Variants in TRIM37 observed in about 807,000 individuals in gnomAD.
TRIM37 encodes the protein tripartite motif containing 37, also known as E3 ubiquitin-protein ligase TRIM37.
Under a neutral mutation model 129.8 loss-of-function variants are expected in TRIM37, and 80 were observed. The ratio of observed to expected loss-of-function variants is 0.62; its 90% CI spans 0.51 to 0.74. The LOEUF (loss-of-function observed/expected upper bound fraction) is 0.74. Ranked by LOEUF, TRIM37 falls within the 30% of genes least tolerant of loss-of-function variation. TRIM37 has a pLI of 0.00. For synonymous variants in TRIM37, 389 were observed against 387.1 expected, an observed-to-expected ratio of 1.00 and a Z score of -0.06; for missense variants, 1,054 against 1,176.5, an observed-to-expected ratio of 0.90 and a Z score of 1.52.
At chr17:58,971,537 A>C in the TRIM37 span, among the ~76,000 whole-genome samples, 1 of 152,170 alleles carries the variant, frequency 6.6e-6, no homozygotes, top group Non-Finnish European at 1.5e-5. Flanking sequence ...AAGACCCCTA[A>C]AAATACTGTA....
At chr17:59,091,500 T>C (rs868136925) in intron 2 of TRIM37, among the ~76,000 whole-genome samples, 160 bp from the exon 3 acceptor site, 2 of 104,170 alleles carry the variant, frequency 1.9e-5, no homozygotes, top group South Asian at 2.9e-4. Flanking sequence ...TATATTATTA[T>C]ATAACATATC....
At chr17:59,056,443 T>C (rs1051242447) in intron 13 of TRIM37, among the ~76,000 whole-genome samples, 13 of 151,958 alleles carry the variant, frequency 8.6e-5, no homozygotes, top group African/African-American at 3.1e-4. Context: ...AAGAAAGTGA[T>C]AAGGGGCCGG....
chr17:59,009,343 G>T (rs1377281183), intron 22 of TRIM37, among the ~76,000 whole-genome samples: 1 of 151,950 alleles, frequency 6.6e-6, no homozygotes, highest in African/African-American at 2.4e-5. Context: ...GGCCAGGCTG[G>T]TCTCAAACTC....
intron 22 of TRIM37, among the ~76,000 whole-genome samples, chr17:59,003,661 A>C (rs1215880332): frequency 6.6e-5 from 10 of 151,814 alleles, no homozygotes; most frequent in African/African-American, 2.4e-4. Context: ...AAAAAAAAAA[A>C]ACCTAATGAA....
chr17:59,075,912 CAATTCT>C (rs2042777548), intron 7 of TRIM37, among the ~76,000 whole-genome samples, 198 bp from the exon 8 acceptor site: 1 of 152,048 alleles, frequency 6.6e-6, no homozygotes, highest in African/African-American at 2.4e-5. Context: ...ACTTCAGAAC[CAATTCT>C]AATTAGTTTT....
intron 3 of TRIM37, among the ~76,000 whole-genome samples, chr17:59,089,795 T>C (rs751636885): frequency 6.6e-6 from 1 of 152,134 alleles, no homozygotes; most frequent in Non-Finnish European, 1.5e-5. Context: ...ATGCTGGTCT[T>C]ATAAGATAAT....
At chr17:59,025,445 G>A (rs1568008612) in intron 19 of TRIM37, among the ~76,000 whole-genome samples, 1 of 151,074 alleles carries the variant, frequency 6.6e-6, no homozygotes, top group Non-Finnish European at 1.5e-5. Flanking sequence ...TAATATTCAT[G>A]GATGAATATT....
the TRIM37 span, chr17:58,971,994 G>A: frequency 1.2e-6 from 1 of 803,070 alleles, no homozygotes; most frequent in Non-Finnish European, 1.9e-6. Flanking sequence ...TTGAGACAAT[G>A]AATTATTATA....
At chr17:59,012,888 A>T (rs2035475911) in intron 21 of TRIM37, among the ~76,000 whole-genome samples, 1 of 151,766 alleles carries the variant, frequency 6.6e-6, no homozygotes, top group Non-Finnish European at 1.5e-5. Flanking sequence ...AAAAAAAAAA[A>T]ATTTTTTTTT....
chr17:59,045,219 C>T (rs1326884863), intron 16 of TRIM37, among the ~76,000 whole-genome samples: 1 of 151,954 alleles, frequency 6.6e-6, no homozygotes, highest in Admixed American at 6.6e-5. Context: ...GTCCCAGCTA[C>T]TTGGGAGACT....
intron 18 of TRIM37, among the ~76,000 whole-genome samples, chr17:59,029,841 A>T (rs546445573): frequency 6.6e-6 from 1 of 152,326 alleles, no homozygotes; most frequent in African/African-American, 2.4e-5. Flanking sequence ...CCTTTTCAAT[A>T]AAAAGAAAGT....
Position 59,046,033 on chromosome 17 carries a change from C to T in TRIM37, c.1667+1650G>A, listed in dbSNP as rs146945734. Among the ~76,000 whole-genome samples the T allele has an allele frequency of 3.1e-3, 476 of 151,964 alleles. 4 individuals are homozygous for T. The highest frequency in any genetic ancestry group is 5.4e-3 in the Non-Finnish European group (367 of 67,932). ...TCCATCTCAAAAAAAAAAAATTATC[C>T]ACATTAATGAAATTCATTAGTTCAT... On this transcript the variant is annotated intron_variant, in intron 16 of 23. Transcript: ENST00000262294.
At chr17:59,027,523 G>C (rs1224505862) in intron 19 of TRIM37, among the ~76,000 whole-genome samples, 3 of 152,136 alleles carry the variant, frequency 2.0e-5, no homozygotes, top group Non-Finnish European at 4.4e-5. Flanking sequence ...AAGGCTGCTA[G>C]ACTGTGAACA....
chr17:59,022,016 A>G (rs2036661073), intron 19 of TRIM37, among the ~76,000 whole-genome samples: 1 of 152,192 alleles, frequency 6.6e-6, no homozygotes, highest in African/African-American at 2.4e-5. Flanking sequence ...TAGTTTTATG[A>G]ATGCTTTTTA....
chr17:58,993,444 G>T (rs933336782), downstream of TRIM37, among the ~76,000 whole-genome samples: 5 of 152,176 alleles, frequency 3.3e-5, no homozygotes, highest in Non-Finnish European at 2.9e-5. Context: ...CCACACAGTG[G>T]ACTACTACTG....
At chr17:59,043,965 C>G (rs2039512781) in intron 16 of TRIM37, among the ~76,000 whole-genome samples, 1 of 152,156 alleles carries the variant, frequency 6.6e-6, no homozygotes, top group Non-Finnish European at 1.5e-5. Context: ...TATCTGTGGG[C>G]TCTGCATCTG....
chr17:59,009,303 T>C (rs1423149572), intron 22 of TRIM37, among the ~76,000 whole-genome samples: 2 of 151,828 alleles, frequency 1.3e-5, no homozygotes, highest in African/African-American at 4.8e-5. Flanking sequence ...GATTTTTCTA[T>C]TTTTAGTAGA....
chr17:59,051,891 C>T (rs926015641), intron 13 of TRIM37, among the ~76,000 whole-genome samples: 3 of 152,064 alleles, frequency 2.0e-5, no homozygotes, highest in African/African-American at 4.8e-5. Context: ...CCACTACGCC[C>T]GGCTAATTTT....
At position 59,106,427 on chromosome 17, in the gene TRIM37, C is replaced by A. The variant is rs766466340; in HGVS notation, c.21+14G>T. On this transcript the variant is annotated intron_variant, in intron 1 of 23. Coordinates refer to ENST00000262294, the MANE Select transcript of TRIM37 (RefSeq NM_015294.6). ...GGGGGCGGGGACTAACCACCACCCT[C>A]ACAACCCCCTCACCTCCACGCTCTG... 21 of 1,614,002 alleles carry A rather than the reference C, an allele frequency of 1.3e-5. No homozygotes were observed. Among genetic ancestry groups the A allele is most frequent in the African/African-American group, 2.7e-5 (2 of 74,940 alleles).
Sources: allele counts gnomAD v4.1 joint callset (sites outside exome capture counted in the v4.1 genomes callset), GRCh38; gene constraint gnomAD v4.1.1; transcripts MANE v1.5; gene names NCBI Gene and HGNC (gene_info 2026-07-23, HGNC 2026-07-21).